The following SLC71A1 variants were observed in gnomAD, a reference collection of about 807,000 sequenced individuals.
The protein encoded by SLC71A1 is solute carrier family 71 member 1, also known as hippocampus abundant gene transcript 1.
the SLC71A1 span, among the ~76,000 whole-genome samples, chr1:100,044,044 C>T: frequency 6.6e-6 from 1 of 152,134 alleles, no homozygotes; most frequent in Non-Finnish European, 1.5e-5. Context: ...CATATAATGA[C>T]TTCTTTTACT....
the SLC71A1 span, chr1:100,068,451 AT>A: frequency 6.8e-7 from 1 of 1,469,326 alleles, no homozygotes; most frequent in Non-Finnish European, 9.5e-7. Flanking sequence ...CCTTATATCA[AT>A]CAGTCTTTTT....
At chr1:100,039,091 T>C in the SLC71A1 span, among the ~76,000 whole-genome samples, 3 of 152,242 alleles carry the variant, frequency 2.0e-5, no homozygotes, top group East Asian at 3.8e-4. Flanking sequence ...CAGTAAACTT[T>C]ATGCAGTGTG....
the SLC71A1 span, among the ~76,000 whole-genome samples, chr1:100,070,524 A>G: frequency 2.0e-5 from 3 of 152,202 alleles, no homozygotes. Context: ...GAAAGTGTGT[A>G]TCTTGGCAGC....
At chr1:100,069,416 G>A in the SLC71A1 span, among the ~76,000 whole-genome samples, 1 of 152,242 alleles carries the variant, frequency 6.6e-6, no homozygotes, top group Non-Finnish European at 1.5e-5. Flanking sequence ...TCCACATTGA[G>A]GGACCCACCA....
chr1:100,081,480 T>G, the SLC71A1 span, among the ~76,000 whole-genome samples: 6 of 152,164 alleles, frequency 3.9e-5, no homozygotes, highest in Non-Finnish European at 5.9e-5. Context: ...CAAGCGATTC[T>G]TTTAACATCA....
At chr1:100,081,887 A>G in the SLC71A1 span, 1 of 741,248 alleles carries the variant, frequency 1.3e-6, no homozygotes, top group Non-Finnish European at 2.2e-6. Context: ...TTATGGCTTT[A>G]ATAAAGAGAA....
At chr1:100,059,560 T>TAC in the SLC71A1 span, among the ~76,000 whole-genome samples, 7 of 151,146 alleles carry the variant, frequency 4.6e-5, no homozygotes, top group Admixed American at 1.3e-4. Flanking sequence ...TATATATATA[T>TAC]ACACACACAC....
At chr1:100,075,021 G>T in the SLC71A1 span, among the ~76,000 whole-genome samples, 1 of 152,248 alleles carries the variant, frequency 6.6e-6, no homozygotes, top group South Asian at 2.1e-4. Context: ...CAAAGGGGAA[G>T]ATAGTCATTT....
the SLC71A1 span, among the ~76,000 whole-genome samples, chr1:100,051,020 G>A: frequency 6.6e-6 from 1 of 151,724 alleles, no homozygotes; most frequent in Non-Finnish European, 1.5e-5. Context: ...AGGAGGCAGA[G>A]GTTGTAGTGA....
At chr1:100,068,425 TG>T in the SLC71A1 span, 15 of 1,264,274 alleles carry the variant, frequency 1.2e-5, no homozygotes, top group South Asian at 1.9e-4. Flanking sequence ...AATAGTTCAG[TG>T]GTTTTGATAG....
the SLC71A1 span, among the ~76,000 whole-genome samples, chr1:100,081,680 T>A: frequency 1.3e-5 from 2 of 152,182 alleles, no homozygotes; most frequent in East Asian, 3.9e-4. Context: ...GCAGCCTGAT[T>A]TTATTTTTGA....
the SLC71A1 span, among the ~76,000 whole-genome samples, chr1:100,046,209 C>T: frequency 8.4e-6 from 1 of 118,582 alleles, no homozygotes; most frequent in Non-Finnish European, 1.7e-5. Context: ...TCCTCCAAGC[C>T]TCGTTTTTTT....
the SLC71A1 span, among the ~76,000 whole-genome samples, chr1:100,053,539 AGTTT>A: frequency 6.6e-6 from 1 of 152,184 alleles, no homozygotes; most frequent in Non-Finnish European, 1.5e-5. Flanking sequence ...GTTATATCAT[AGTTT>A]GTTTCAGCAT....
chr1:100,055,675 G>A, the SLC71A1 span, among the ~76,000 whole-genome samples: 18 of 151,888 alleles, frequency 1.2e-4, no homozygotes, highest in Non-Finnish European at 1.8e-4. Context: ...ATTACGTCAG[G>A]GTAAATGGGG....
At chr1:100,080,353 G>GT in the SLC71A1 span, 2 of 659,054 alleles carry the variant, frequency 3.0e-6, no homozygotes, top group Non-Finnish European at 5.2e-6. Flanking sequence ...AATATTAATA[G>GT]TTTTTAATGA....
At chr1:100,057,372 TA>T in the SLC71A1 span, among the ~76,000 whole-genome samples, 1 of 150,702 alleles carries the variant, frequency 6.6e-6, no homozygotes. Flanking sequence ...TTTTTTTTTT[TA>T]AGACAGGCTA....
chr1:100,057,753 C>A, the SLC71A1 span, among the ~76,000 whole-genome samples: 1 of 152,170 alleles, frequency 6.6e-6, no homozygotes, highest in Non-Finnish European at 1.5e-5. Flanking sequence ...TCTGATCCTT[C>A]TAAAGGTTCT....
the SLC71A1 span, among the ~76,000 whole-genome samples, chr1:100,049,251 G>C: frequency 0.11 from 15,980 of 150,138 alleles, 1,357 homozygotes; most frequent in African/African-American, 0.23. Context: ...ACATACTTTC[G>C]CTGGGGATTG....
the SLC71A1 span, chr1:100,068,433 A>G: frequency 7.3e-7 from 1 of 1,363,430 alleles, no homozygotes; most frequent in Non-Finnish European, 1.0e-6. Flanking sequence ...AGTGGTTTTG[A>G]TAGAAAACCT....
Sources: allele counts gnomAD v4.1 joint callset (sites outside exome capture counted in the v4.1 genomes callset), GRCh38; gene constraint gnomAD v4.1.1; transcripts MANE v1.5; gene names NCBI Gene and HGNC (gene_info 2026-07-23, HGNC 2026-07-21).